Variants in OCA2 observed in about 807,000 individuals in gnomAD.
OCA2 encodes the protein P protein.
Under a neutral mutation model 100.2 loss-of-function variants are expected in OCA2, and 77 were observed. That is an observed-to-expected ratio of 0.77 (90% CI 0.64 to 0.93). The LOEUF (loss-of-function observed/expected upper bound fraction) is 0.93. OCA2 is among the 40% of genes least tolerant of loss of function. The probability of loss-of-function intolerance (pLI) is 0.00; values close to 1 mark genes in which losing one functional copy is unlikely to be tolerated. For synonymous variants in OCA2, 432 were observed against 439.2 expected (o/e 0.98, Z 0.21); for missense variants, 1,062 against 1,089.1 (o/e 0.98, Z 0.35).
In OCA2 at chr15:27,928,001, A is replaced by G. The variant is rs1026474769; in HGVS notation, c.1952-1747T>C. Among the ~76,000 whole-genome samples the G allele has an allele frequency of 2.0e-5, 3 of 151,992 alleles. No individual in the cohort carries two copies. In the South Asian group the frequency reaches 6.2e-4, roughly 32 times the overall value. On this transcript the variant is annotated intron_variant, in intron 18 of 23. Transcript: ENST00000354638. ...GAGATGGGGTTTCACCATGTTGGCC[A>G]GGCTGGTCACGAACTCCTGACCTCA...
chr15:28,067,366 GT>G lies in OCA2; in HGVS notation c.227+14281del, dbSNP rs554633963. ...GATTTTTGCATCTCGATTTTATTAA[GT>G]TCTTCTCTAATTATTTCTTTGGATT... On this transcript the variant is annotated intron_variant, in intron 2 of 23. Transcript: ENST00000354638. Among the ~76,000 whole-genome samples, 1,399 of 151,992 alleles carry G rather than the reference GT, an allele frequency of 9.2e-3. 19 individuals are homozygous for G. Among genetic ancestry groups the G allele is most frequent in the African/African-American group, 0.032 (1,339 of 41,416 alleles).
chr15:27,868,483 G>A (rs927925755), intron 21 of OCA2, among the ~76,000 whole-genome samples: 2 of 152,198 alleles, frequency 1.3e-5, no homozygotes, highest in East Asian at 3.9e-4. Context: ...GAGCAACACC[G>A]CCTGATTCCA....
chr15:27,937,266 G>A (rs1483865260), intron 18 of OCA2, among the ~76,000 whole-genome samples: 2 of 152,172 alleles, frequency 1.3e-5, no homozygotes, highest in African/African-American at 2.4e-5. Context: ...TTTCTGTATA[G>A]TATTCCACTA....
chr15:28,083,271 G>A lies in OCA2; in HGVS notation c.-21-1376C>T, dbSNP rs184642109. ...AAGCCAAGCACTGACAGCCCCAGAC[G>A]CACACTTCCTGGTGGAGCCAGAACT... On this transcript the variant is annotated intron_variant, in intron 1 of 23. Transcript: ENST00000354638. Among the ~76,000 whole-genome samples the A allele has an allele frequency of 6.8e-4, 103 of 152,294 alleles. 2 individuals are homozygous for A. The South Asian group carries it at 6.8e-3, about 10-fold the overall frequency.
At chr15:27,825,343 C>G (rs879553606) in intron 23 of OCA2, among the ~76,000 whole-genome samples, 6 of 152,182 alleles carry the variant, frequency 3.9e-5, no homozygotes, top group Non-Finnish European at 7.3e-5. Flanking sequence ...AGGGCTCCCC[C>G]CTTGTAGACA....
intron 9 of OCA2, among the ~76,000 whole-genome samples, chr15:27,999,264 C>T (rs773830519): frequency 6.6e-6 from 1 of 152,048 alleles, no homozygotes; most frequent in Non-Finnish European, 1.5e-5. Context: ...GGATCATATA[C>T]CATGATTAAG....
intron 23 of OCA2, chr15:27,776,689 G>C (rs955199142): frequency 1.3e-5 from 2 of 152,280 alleles, no homozygotes; most frequent in South Asian, 2.1e-4. Context: ...TACTCAAGGA[G>C]TACTAGACCC....
intron 23 of OCA2, among the ~76,000 whole-genome samples, chr15:27,781,722 A>G (rs1470724909): frequency 1.3e-5 from 2 of 152,242 alleles, no homozygotes; most frequent in Non-Finnish European, 2.9e-5. Flanking sequence ...AAATACCAGA[A>G]AGTAAATAGC....
chr15:27,923,880 A>G (rs547707984), intron 19 of OCA2, among the ~76,000 whole-genome samples: 5 of 152,170 alleles, frequency 3.3e-5, no homozygotes, highest in African/African-American at 1.2e-4. Context: ...CCCATTTGTC[A>G]ATTTTTGTTT....
At chr15:27,959,958 A>G (rs2140737308) in intron 15 of OCA2, among the ~76,000 whole-genome samples, 1 of 152,294 alleles carries the variant, frequency 6.6e-6, no homozygotes, top group Non-Finnish European at 1.5e-5. Context: ...AGAAGGGTTC[A>G]CCCAGAACTC....
At chr15:27,721,563 C>G in the OCA2 span, among the ~76,000 whole-genome samples, 1 of 152,194 alleles carries the variant, frequency 6.6e-6, no homozygotes, top group Non-Finnish European at 1.5e-5. Context: ...TTAAATACTA[C>G]TCCTTTACTA....
In OCA2 at chr15:27,801,835, C is replaced by T. The variant is rs1326381748; in HGVS notation, c.2432+43124G>A. 2.0e-5 allele frequency among the ~76,000 whole-genome samples: 3 copies of T among 152,212 alleles called. 1 individual carries two copies. The highest frequency in any genetic ancestry group is 1.5e-5 in the Non-Finnish European group (1 of 67,998). Reference sequence around the variant, plus strand: ...TCTTTAGAATAATTTATTCTTTACACAGTTACATCATATTTAATGGTGAAA... The same window carrying T: ...TCTTTAGAATAATTTATTCTTTACATAGTTACATCATATTTAATGGTGAAA... On this transcript the variant is annotated intron_variant, in intron 23 of 23. Transcript: ENST00000354638.
chr15:28,086,222 AG>A (rs1392040089), intron 1 of OCA2, among the ~76,000 whole-genome samples: 14 of 152,212 alleles, frequency 9.2e-5, no homozygotes, highest in African/African-American at 3.1e-4. Context: ...AGGGTGTCAG[AG>A]GAGGCCAAAT....
At chr15:28,053,207 A>G (rs2141585484) in intron 2 of OCA2, among the ~76,000 whole-genome samples, 1 of 152,212 alleles carries the variant, frequency 6.6e-6, no homozygotes, top group Non-Finnish European at 1.5e-5. Context: ...CGTTACAGTC[A>G]TTGGTACCTT....
At chr15:27,892,025 C>A (rs2037482949) in intron 19 of OCA2, among the ~76,000 whole-genome samples, 1 of 151,976 alleles carries the variant, frequency 6.6e-6, no homozygotes, top group Non-Finnish European at 1.5e-5. Context: ...ATACAACAAT[C>A]CTAAATATGT....
chr15:28,035,356 C>T (rs555050544), intron 2 of OCA2, among the ~76,000 whole-genome samples: 178 of 152,286 alleles, frequency 1.2e-3, no homozygotes, highest in South Asian at 3.9e-3. Flanking sequence ...AAACTTAACA[C>T]CATCCGGATA....
chr15:27,921,159 G>C (rs1212601825), intron 19 of OCA2, among the ~76,000 whole-genome samples: 1 of 152,058 alleles, frequency 6.6e-6, no homozygotes, highest in Non-Finnish European at 1.5e-5. Flanking sequence ...ACACCTAGAT[G>C]CATAATAGTC....
At position 27,893,565 on chromosome 15, in the gene OCA2, G is replaced by T. The variant is rs182888219; in HGVS notation, c.2080-21643C>A. 1.6e-4 allele frequency among the ~76,000 whole-genome samples: 25 copies of T among 152,186 alleles called. No individual in the cohort carries two copies. The East Asian group carries it at 4.6e-3, about 28-fold the overall frequency. ...CAAGGAATATTAATATTAATACCCT[G>T]GGAAAGGAATGCATTCCTGGGGGGA... On this transcript the variant is annotated intron_variant, in intron 19 of 23. Coordinates refer to ENST00000354638, the MANE Select transcript of OCA2 (RefSeq NM_000275.3).
intron 8 of OCA2, 68 bp downstream of exon 8, chr15:28,016,036 G>C: frequency 7.9e-6 from 10 of 1,258,582 alleles, no homozygotes; most frequent in Non-Finnish European, 1.2e-5. Context: ...GTGTCCTATA[G>C]GTCAGACTCC....
Sources: allele counts gnomAD v4.1 joint callset (sites outside exome capture counted in the v4.1 genomes callset), GRCh38; gene constraint gnomAD v4.1.1; transcripts MANE v1.5; gene names NCBI Gene and HGNC (gene_info 2026-07-23, HGNC 2026-07-21).